Variants in MYLK observed in about 807,000 individuals in gnomAD.
The protein encoded by MYLK is myosin light chain kinase, also known as myosin light chain kinase, smooth muscle.
MYLK carries 106 observed loss-of-function variants against 203.4 expected under a neutral mutation model. The ratio of observed to expected loss-of-function variants is 0.52; its 90% confidence interval spans 0.45 to 0.61. The LOEUF (loss-of-function observed/expected upper bound fraction) is 0.61, where lower values mean the gene tolerates loss of function less well. Ranked by LOEUF, MYLK falls within the 20% of genes least tolerant of loss-of-function variation. The probability of loss-of-function intolerance (pLI) is 0.00; values close to 1 mark genes in which losing one functional copy is unlikely to be tolerated. For synonymous variants in MYLK, 867 were observed against 959.5 expected, an observed-to-expected ratio of 0.90 and a Z score of 1.78; for missense variants, 2,072 against 2,442.3, an observed-to-expected ratio of 0.85 and a Z score of 3.20.
chr3:123,620,038 T>C (rs1289957521), intron 32 of MYLK, among the ~76,000 whole-genome samples, 169 bp downstream of exon 32: 6 of 152,006 alleles, frequency 3.9e-5, no homozygotes, highest in Non-Finnish European at 8.8e-5. Flanking sequence ...TTAAGAATAA[T>C]TATTAGACTT....
intron 1 of MYLK, among the ~76,000 whole-genome samples, chr3:123,879,887 C>T (rs936746433): frequency 1.3e-5 from 2 of 152,172 alleles, no homozygotes; most frequent in Admixed American, 1.3e-4. Context: ...ATCTCCTCAC[C>T]TTGTGATCCA....
At chr3:123,654,314 T>G (rs1256862995) in intron 24 of MYLK, among the ~76,000 whole-genome samples, 1 of 152,142 alleles carries the variant, frequency 6.6e-6, no homozygotes, top group Non-Finnish European at 1.5e-5. Flanking sequence ...GAAAGTAAAA[T>G]TTTAATACCT....
intron 4 of MYLK, among the ~76,000 whole-genome samples, chr3:123,781,713 C>G (rs1288655382): frequency 6.6e-6 from 1 of 152,056 alleles, no homozygotes; most frequent in East Asian, 1.9e-4. Context: ...TGGTCCAACT[C>G]TCAGCCTGAT....
chr3:123,679,305 CAAA>C (rs58401553), intron 20 of MYLK, among the ~76,000 whole-genome samples: 2 of 76,858 alleles, frequency 2.6e-5, no homozygotes, highest in African/African-American at 4.7e-5. Context: ...GACTCTGTCT[CAAA>C]AAAAAAAAAA....
At position 123,793,746 on chromosome 3, in the gene MYLK, G is replaced by C. The variant is rs775979851; in HGVS notation, c.96C>G (p.Ala32=). 1.2e-6 allele frequency: 2 copies of C among 1,614,040 alleles called. No individual in the cohort carries two copies. Among genetic ancestry groups the C allele is most frequent in the Non-Finnish European group, 1.7e-6 (2 of 1,180,036 alleles). The part of the protein sequence containing the change: ...SRVDSMPLTE[A]PAFILPPRNL... ...TCCGAGGGGGCAAAATGAAAGCAGGGGCCTCTGTCAGGGGCATGGAGTCAA... is the reference window on the plus strand; with the variant it reads ...TCCGAGGGGGCAAAATGAAAGCAGGCGCCTCTGTCAGGGGCATGGAGTCAA... The change falls in exon 4 of 34, where the codon GCC becomes GCG. Residue 32 remains alanine, a synonymous_variant. Coordinates refer to ENST00000360304, the MANE Select transcript of MYLK (RefSeq NM_053025.4).
intron 4 of MYLK, among the ~76,000 whole-genome samples, chr3:123,778,169 C>T (rs1333739193): frequency 6.6e-6 from 1 of 152,054 alleles, no homozygotes; most frequent in Non-Finnish European, 1.5e-5. Flanking sequence ...ATAATTGGTT[C>T]TCAGGAGTAA....
At position 123,733,122 on chromosome 3, in the gene MYLK, A is replaced by G. The variant is rs375101899; in HGVS notation, c.1310-20T>C. 475 of 1,610,666 alleles carry G rather than the reference A, an allele frequency of 2.9e-4. No homozygotes were observed. Among genetic ancestry groups the G allele is most frequent in the Middle Eastern group, 4.9e-4 (3 of 6,082 alleles). ...CGGAAACTACAGGGCCAGGTAAAGA[A>G]CGTGAGCTCCCTATGCCCTGGAGAG... On this transcript the variant is annotated intron_variant, in intron 10 of 33. Transcript: ENST00000360304.
intron 2 of MYLK, among the ~76,000 whole-genome samples, chr3:123,840,584 A>G (rs1026738191): frequency 2.6e-5 from 4 of 151,848 alleles, no homozygotes; most frequent in African/African-American, 9.6e-5. Context: ...ACTTGATATG[A>G]AAATAAGATA....
At chr3:123,621,876 G>C (rs2057881494) in intron 31 of MYLK, 1 of 152,416 alleles carries the variant, frequency 6.6e-6, no homozygotes, top group Admixed American at 6.5e-5. Flanking sequence ...GATGAGGAGG[G>C]GAAGATGGTG....
At chr3:123,641,739 T>TTAC (rs1302061647) in intron 27 of MYLK, among the ~76,000 whole-genome samples, 1 of 145,482 alleles carries the variant, frequency 6.9e-6, no homozygotes, top group African/African-American at 2.8e-5. Flanking sequence ...CCTGCCTGCC[T>TTAC]TCCTCCCTCC....
chr3:123,737,202 G>C, intron 8 of MYLK, 176 bp downstream of exon 8: 1 of 683,516 alleles, frequency 1.5e-6, no homozygotes, highest in South Asian at 1.9e-5. Context: ...ATGGGCGACA[G>C]AGCAAGACTC....
At chr3:123,641,564 G>A (rs1384598583) in intron 27 of MYLK, among the ~76,000 whole-genome samples, 3 of 151,730 alleles carry the variant, frequency 2.0e-5, no homozygotes. Context: ...AAAGGAAGGA[G>A]GAGGGGAGGG....
Position 123,629,809 on chromosome 3 carries a change from G to A in MYLK, c.4962-183C>T. On this transcript the variant is annotated intron_variant, in intron 29 of 33. Coordinates refer to ENST00000360304, the MANE Select transcript of MYLK (RefSeq NM_053025.4). This position sits in a 1 kb window ranked among gnomAD's most constrained non-coding sequence, Gnocchi z 4.4. ...AAAAGAGGGTGTGGTTCACAGCCCT[G>A]TCTTTTCTTGGTCACCTGCCTCTTG... 1 of 629,992 alleles carries A rather than the reference G, an allele frequency of 1.6e-6. No homozygotes were observed. The allele number at this position is 629,992 out of a possible 1,614,324, so 39.0% of individuals were successfully genotyped here.
intron 11 of MYLK, among the ~76,000 whole-genome samples, chr3:123,727,919 CAGAA>C: frequency 6.6e-6 from 1 of 152,212 alleles, no homozygotes; most frequent in Admixed American, 6.5e-5. Flanking sequence ...TATAGGAAAA[CAGAA>C]AGAGAGAAGT....
At chr3:123,787,527 C>A (rs1030166909) in intron 4 of MYLK, among the ~76,000 whole-genome samples, 1 of 152,138 alleles carries the variant, frequency 6.6e-6, no homozygotes, top group African/African-American at 2.4e-5. Flanking sequence ...ATATGGCAGG[C>A]ATTCATCTTA....
intron 3 of MYLK, 69 bp downstream of exon 3, chr3:123,831,479 C>A: frequency 7.9e-7 from 1 of 1,261,574 alleles, no homozygotes; most frequent in Non-Finnish European, 1.0e-6. Context: ...CAGCTCCCCT[C>A]TCTGCAGCCT....
intron 5 of MYLK, among the ~76,000 whole-genome samples, chr3:123,745,301 G>A (rs1173960945): frequency 1.1e-4 from 16 of 152,016 alleles, no homozygotes; most frequent in Admixed American, 7.9e-4. Context: ...AAACCAAAAG[G>A]GCCCCCATGA....
chr3:123,756,691 C>T (rs990213440), intron 4 of MYLK, among the ~76,000 whole-genome samples: 2 of 152,134 alleles, frequency 1.3e-5, no homozygotes, highest in Admixed American at 1.3e-4. Context: ...CAAGTAACCA[C>T]AGAAGAAATG....
At chr3:123,619,610 T>G (rs820458) in intron 32 of MYLK, among the ~76,000 whole-genome samples, 1 of 151,736 alleles carries the variant, frequency 6.6e-6, no homozygotes, top group African/African-American at 2.4e-5. Flanking sequence ...AAGGCTGGGG[T>G]TTTCACTGAG....
Sources: gnomAD v4.1 joint callset for allele counts (sites outside exome capture counted in the v4.1 genomes callset) on GRCh38, gnomAD v4.1.1 for gene constraint, Gnocchi (gnomAD v3.1) non-coding constraint, MANE v1.5 for transcripts, NCBI Gene and HGNC (gene_info 2026-07-23, HGNC 2026-07-21) for gene names.